Variants in BBIP1 observed in about 807,000 individuals in gnomAD.
BBIP1 encodes the protein BBSome-interacting protein 1.
BBIP1 carries 6 observed loss-of-function variants against 8.9 expected under a neutral mutation model. The ratio of observed to expected loss-of-function variants is 0.67; its 90% CI spans 0.37 to 1.33. The LOEUF (loss-of-function observed/expected upper bound fraction) is 1.33. BBIP1 is among the 40% of genes most tolerant of loss of function. BBIP1 has a pLI of 0.02. For missense variants in BBIP1, 111 were observed against 109.2 expected (o/e 1.02, Z -0.07); for synonymous variants, 32 against 33.4 (o/e 0.96, Z 0.14).
At position 110,900,433 on chromosome 10, in the gene BBIP1, A is replaced by G. The variant is rs1157309992; in HGVS notation, c.206T>C (p.Met69Thr). 3.3e-6 allele frequency: 5 copies of G among 1,535,664 alleles called. No homozygotes were observed. The highest frequency in any genetic ancestry group is 4.9e-5 in the East Asian group (2 of 40,864). ...KSLTLEKLEK[M>T]HQAAQNTIRQ... ...AATTGTATTCTGTGCTGCTTGATGCATTTTCTCTAGTTTTTCCAGAGTCAG... is the reference window on the plus strand; with the variant it reads ...AATTGTATTCTGTGCTGCTTGATGCGTTTTCTCTAGTTTTTCCAGAGTCAG... The change falls in exon 4 of 4, where the codon ATG becomes ACG. Residue 69 changes from methionine (M) to threonine (T), a missense_variant. Coordinates refer to ENST00000448814, the MANE Select transcript of BBIP1 (RefSeq NM_001195305.3).
intron 3 of BBIP1, 30 bp from the exon 4 acceptor site, chr10:110,900,556 C>T: frequency 6.7e-7 from 1 of 1,487,288 alleles, no homozygotes. Flanking sequence ...AGAATTAATT[C>T]AAGAAAGATA....
At chr10:110,910,001 G>C (rs1315194866) in intron 2 of BBIP1, among the ~76,000 whole-genome samples, 1 of 152,196 alleles carries the variant, frequency 6.6e-6, no homozygotes, top group East Asian at 1.9e-4. Flanking sequence ...TAGGGAATGA[G>C]ACACATGTAA....
At chr10:110,916,756 T>C (rs1271378202) in intron 2 of BBIP1, among the ~76,000 whole-genome samples, 1 of 152,186 alleles carries the variant, frequency 6.6e-6, no homozygotes, top group Non-Finnish European at 1.5e-5. Flanking sequence ...CAGAAAGTCA[T>C]TGCATCAGCT....
intron 3 of BBIP1, 156 bp downstream of exon 3, chr10:110,901,382 G>A: frequency 1.7e-6 from 1 of 603,470 alleles, no homozygotes; most frequent in Non-Finnish European, 2.9e-6. Context: ...CCTTTTACTG[G>A]ATGTCATGAA....
At chr10:110,906,525 T>C (rs1415886804) in intron 2 of BBIP1, 2 of 152,112 alleles carry the variant, frequency 1.3e-5, no homozygotes, top group East Asian at 3.9e-4. Context: ...TTCACGTATA[T>C]ACATGGCTGA....
At chr10:110,904,174 GAGAA>G (rs1846074952) in intron 2 of BBIP1, 2 of 152,208 alleles carry the variant, frequency 1.3e-5, no homozygotes, top group South Asian at 4.1e-4. Context: ...TGGGCCAAGG[GAGAA>G]ACATAACAGC....
At chr10:110,906,907 A>G (rs550065272) in intron 2 of BBIP1, 2 of 152,140 alleles carry the variant, frequency 1.3e-5, no homozygotes, top group African/African-American at 4.8e-5. Flanking sequence ...AAATGGGAAA[A>G]TTTTTTTCAA....
chr10:110,907,653 A>G (rs904098021), intron 2 of BBIP1: 7 of 641,006 alleles, frequency 1.1e-5, no homozygotes, highest in Middle Eastern at 2.4e-4. Context: ...ATAAAAGTTT[A>G]GGATCTGAAA....
intron 2 of BBIP1, among the ~76,000 whole-genome samples, chr10:110,917,331 T>C (rs1846433547): frequency 1.3e-5 from 2 of 152,092 alleles, no homozygotes; most frequent in South Asian, 4.1e-4. Context: ...TATTGTGTTT[T>C]GCTGGAGAAC....
At chr10:110,918,489 G>T (rs573082568) in intron 1 of BBIP1, among the ~76,000 whole-genome samples, 19 of 152,334 alleles carry the variant, frequency 1.2e-4, no homozygotes, top group South Asian at 2.1e-4. Context: ...ATGATTTTCT[G>T]AAGTTCCCGA....
At chr10:110,917,827 TA>T in intron 2 of BBIP1, 1 of 179,394 alleles carries the variant, frequency 5.6e-6, no homozygotes, top group Non-Finnish European at 9.2e-6. Context: ...ACATAAGCGC[TA>T]TTATATATAT....
chr10:110,902,907 C>G (rs1158482384), intron 2 of BBIP1: 3 of 151,278 alleles, frequency 2.0e-5, no homozygotes, highest in African/African-American at 7.3e-5. Context: ...CCAGTGGTAC[C>G]TAGTGATCAC....
At chr10:110,912,800 T>C (rs1311223917) in intron 2 of BBIP1, among the ~76,000 whole-genome samples, 1 of 152,124 alleles carries the variant, frequency 6.6e-6, no homozygotes, top group Non-Finnish European at 1.5e-5. Context: ...TTATCTTCCA[T>C]AATATGTGCC....
At chr10:110,912,871 T>A (rs188496391) in intron 2 of BBIP1, among the ~76,000 whole-genome samples, 4 of 152,166 alleles carry the variant, frequency 2.6e-5, no homozygotes, top group Admixed American at 1.3e-4. Flanking sequence ...TATTAATGTA[T>A]CTAAACTTAT....
intron 3 of BBIP1, 118 bp from the exon 4 acceptor site, chr10:110,900,644 T>G (rs1421578672): frequency 1.2e-6 from 1 of 842,914 alleles, no homozygotes; most frequent in South Asian, 2.0e-5. Context: ...AAAACTCTTG[T>G]ACCTAAATTG....
rs771061793 is a variant in BBIP1 at position 110,901,607 on chromosome 10, T to G, written c.43A>C (p.Asn15His). Residue 15 changes from asparagine to histidine, a missense_variant, in exon 3 of 4, where the codon AAC becomes CAC. Transcript: ENST00000448814. ...AAKRPELSGK[N>H]TISNNSDMAE... ...ATATCTGAGTTGTTGGATATAGTGTTTTTTCCTTCAATGAGAAATCAGTAT... is the reference window on the plus strand; with the variant it reads ...ATATCTGAGTTGTTGGATATAGTGTGTTTTCCTTCAATGAGAAATCAGTAT... 5 of 1,534,176 alleles carry G rather than the reference T, an allele frequency of 3.3e-6. No individual in the cohort carries two copies. In the South Asian group the frequency reaches 4.8e-5, roughly 15 times the overall value.
intron 2 of BBIP1, among the ~76,000 whole-genome samples, chr10:110,917,194 A>ATTTTTT (rs67066048): frequency 6.5e-5 from 7 of 107,970 alleles, no homozygotes; most frequent in Admixed American, 1.1e-4. Flanking sequence ...CTGGATCCTG[A>ATTTTTT]TTTTTTTTTT....
In BBIP1 at chr10:110,900,791, A is replaced by G. The variant is rs192225059; in HGVS notation, c.113-265T>C. 1.4e-3 allele frequency: 509 copies of G among 358,002 alleles called. 1 individual carries two copies. The highest frequency in any genetic ancestry group is 1.0e-2 in the African/African-American group (472 of 47,218). 22.2% of individuals were successfully genotyped at this position (358,002 alleles called of 1,614,324 possible). On this transcript the variant is annotated intron_variant, in intron 3 of 3. Coordinates refer to ENST00000448814, the MANE Select transcript of BBIP1 (RefSeq NM_001195305.3). ...ACCATAAGACACAACTTTTTGTGTC[A>G]GAAGTTTAATCTTAAAATAAGATTT... is the stretch of plus-strand genomic sequence containing the variant.
chr10:110,909,878 G>A (rs1235476609), intron 2 of BBIP1, among the ~76,000 whole-genome samples: 1 of 152,108 alleles, frequency 6.6e-6, no homozygotes, highest in African/African-American at 2.4e-5. Flanking sequence ...GTACCTATAC[G>A]AACAGATTTT....
Sources: gnomAD v4.1 joint callset for allele counts (sites outside exome capture counted in the v4.1 genomes callset) on GRCh38, gnomAD v4.1.1 for gene constraint, MANE v1.5 for transcripts, NCBI Gene and HGNC (gene_info 2026-07-23, HGNC 2026-07-21) for gene names.